Variants in NKAIN2 observed in about 807,000 individuals in gnomAD.
The protein encoded by NKAIN2 is sodium/potassium-transporting ATPase subunit beta-1-interacting protein 2.
A neutral mutation model predicts 32.6 loss-of-function variants in NKAIN2; 14 were observed. That is an observed-to-expected ratio of 0.43 (90% CI 0.28 to 0.67). The LOEUF is 0.67. Among genes scored for constraint, NKAIN2 ranks in the 30% least tolerant of loss-of-function variants. The pLI is 0.17. For missense variants in NKAIN2, 198 were observed against 258.3 expected (o/e 0.77, Z 1.60); for synonymous variants, 80 against 87.2 (o/e 0.92, Z 0.46).
At chr6:124,730,666 T>C (rs1251777154) in intron 4 of NKAIN2, among the ~76,000 whole-genome samples, 4 of 146,238 alleles carry the variant, frequency 2.7e-5, no homozygotes, top group Admixed American at 1.4e-4. Context: ...ACTTCATGTC[T>C]AAAACACCAA....
chr6:124,061,452 G>A (rs910045661), intron 1 of NKAIN2, among the ~76,000 whole-genome samples: 1 of 152,004 alleles, frequency 6.6e-6, no homozygotes. Context: ...TCAAAAATTA[G>A]ACAATGCATG....
At chr6:124,764,544 T>TG (rs1778422970) in intron 4 of NKAIN2, among the ~76,000 whole-genome samples, 1 of 152,080 alleles carries the variant, frequency 6.6e-6, no homozygotes, top group South Asian at 2.1e-4. Context: ...GGGATAAAAA[T>TG]GGTTAAGAAT....
intron 1 of NKAIN2, among the ~76,000 whole-genome samples, chr6:123,972,576 G>A (rs576540942): frequency 5.4e-4 from 82 of 152,238 alleles, no homozygotes; most frequent in African/African-American, 1.9e-3. Context: ...AACAGTGAGC[G>A]TCTTTGGATA....
At chr6:124,181,801 C>A (rs1789458970) in intron 1 of NKAIN2, among the ~76,000 whole-genome samples, 1 of 152,138 alleles carries the variant, frequency 6.6e-6, no homozygotes, top group African/African-American at 2.4e-5. Context: ...TCACTATCAG[C>A]ATTTTGGTCA....
chr6:124,466,529 C>G (rs1776762660), intron 3 of NKAIN2, among the ~76,000 whole-genome samples: 2 of 152,002 alleles, frequency 1.3e-5, no homozygotes, highest in Admixed American at 6.6e-5. Flanking sequence ...ATTAGTACTG[C>G]TCATCCATCA....
At chr6:124,647,263 C>A (rs542940030) in intron 3 of NKAIN2, among the ~76,000 whole-genome samples, 1 of 151,720 alleles carries the variant, frequency 6.6e-6, no homozygotes, top group Admixed American at 6.6e-5. Context: ...AAAATGACTT[C>A]AGTCTGGGTG....
chr6:124,088,803 G>T (rs562521927), intron 1 of NKAIN2, among the ~76,000 whole-genome samples: 3 of 152,082 alleles, frequency 2.0e-5, no homozygotes, highest in South Asian at 4.1e-4. Flanking sequence ...TAGGATTTGT[G>T]TGCTAAAATA....
intron 3 of NKAIN2, among the ~76,000 whole-genome samples, chr6:124,506,715 A>G (rs533520056): frequency 6.7e-6 from 1 of 148,440 alleles, no homozygotes; most frequent in Non-Finnish European, 1.5e-5. Flanking sequence ...ACTTAGGAAG[A>G]AAAAAAAAAG....
intron 1 of NKAIN2, among the ~76,000 whole-genome samples, chr6:123,909,356 C>T (rs1167139888): frequency 6.6e-6 from 1 of 152,176 alleles, no homozygotes. Context: ...CGTCTTGCTG[C>T]ACCCACCTGC....
At chr6:124,635,999 A>T (rs1406579898) in intron 3 of NKAIN2, among the ~76,000 whole-genome samples, 2 of 152,052 alleles carry the variant, frequency 1.3e-5, no homozygotes, top group Admixed American at 6.6e-5. Context: ...TATTCTTCTC[A>T]TCAGGACATG....
chr6:123,851,628 T>C (rs763113474), intron 1 of NKAIN2, among the ~76,000 whole-genome samples: 1 of 152,180 alleles, frequency 6.6e-6, no homozygotes, highest in Admixed American at 6.5e-5. Flanking sequence ...AGTTTACAAG[T>C]GTTTCCTTGT....
chr6:124,711,098 T>G (rs1184155815), intron 4 of NKAIN2, among the ~76,000 whole-genome samples: 1 of 143,456 alleles, frequency 7.0e-6, no homozygotes, highest in African/African-American at 2.6e-5. Context: ...GAAGCTTAGT[T>G]TGGCTGGATA....
intron 3 of NKAIN2, among the ~76,000 whole-genome samples, chr6:124,458,683 C>G (rs1050560998): frequency 3.3e-5 from 5 of 151,740 alleles, no homozygotes; most frequent in African/African-American, 1.2e-4. Context: ...AATTATAGGA[C>G]TGTATTATTT....
intron 1 of NKAIN2, among the ~76,000 whole-genome samples, chr6:123,940,747 G>T (rs573096681): frequency 2.0e-5 from 3 of 152,124 alleles, no homozygotes; most frequent in Admixed American, 6.6e-5. Flanking sequence ...CTTTGAGTGA[G>T]TGAGTGAGTC....
chr6:124,603,843 C>T (rs1782399874), intron 3 of NKAIN2, among the ~76,000 whole-genome samples: 1 of 152,006 alleles, frequency 6.6e-6, no homozygotes, highest in South Asian at 2.1e-4. Context: ...TTTGCCTTTA[C>T]CTGAGCTGAA....
chr6:124,216,693 A>G (rs9482516), intron 1 of NKAIN2, among the ~76,000 whole-genome samples: 1,916 of 152,304 alleles, frequency 0.013, 39 homozygotes, highest in African/African-American at 0.044. Context: ...AGTTTCATTC[A>G]GGTATCTGTT....
intron 3 of NKAIN2, among the ~76,000 whole-genome samples, chr6:124,369,429 G>C (rs1296204314): frequency 6.6e-6 from 1 of 152,106 alleles, no homozygotes. Context: ...TGGCCCCTTA[G>C]GTCAAGCTTG....
At chr6:124,707,515 T>G (rs1185001970) in intron 4 of NKAIN2, among the ~76,000 whole-genome samples, 2 of 139,456 alleles carry the variant, frequency 1.4e-5, no homozygotes, top group East Asian at 2.0e-4. Context: ...GTTTCCTGAC[T>G]TTTTAATGAT....
chr6:124,217,956 G>T (rs1315585672), intron 1 of NKAIN2, among the ~76,000 whole-genome samples: 2 of 151,984 alleles, frequency 1.3e-5, no homozygotes, highest in Non-Finnish European at 2.9e-5. Flanking sequence ...AACACTATTG[G>T]CAATTTGTAT....
Sources: allele counts gnomAD v4.1 joint callset (sites outside exome capture counted in the v4.1 genomes callset), GRCh38; gene constraint gnomAD v4.1.1; transcripts MANE v1.5; gene names NCBI Gene and HGNC (gene_info 2026-07-23, HGNC 2026-07-21).